The following FRMPD4 variants were observed in gnomAD, a reference collection of about 807,000 sequenced individuals.
The protein encoded by FRMPD4 is FERM and PDZ domain-containing protein 4.
A neutral mutation model predicts 94.1 loss-of-function variants in FRMPD4; 22 were observed. The observed-to-expected ratio is 0.23, with a 90% confidence interval of 0.17 to 0.33. FRMPD4 has a LOEUF of 0.33. FRMPD4 is among the 10% of genes least tolerant of loss of function. FRMPD4 has a pLI of 1.00. For synonymous variants in FRMPD4, 631 were observed against 548.6 expected (o/e 1.15, Z -2.10); for missense variants, 1,111 against 1,339.9 (o/e 0.83, Z 2.67).
intron 1 of FRMPD4, among the ~76,000 whole-genome samples, chrX:12,227,437 C>A (rs776307608): frequency 8.9e-6 from 1 of 111,793 alleles, no homozygotes; most frequent in African/African-American, 3.2e-5. Context: ...CCAGTAACAG[C>A]TCTATAAAAA....
At chrX:12,009,249 G>T (rs1404308015) in intron 3 of FRMPD4, among the ~76,000 whole-genome samples, 1 of 112,454 alleles carries the variant, frequency 8.9e-6, no homozygotes, top group Non-Finnish European at 1.9e-5. Context: ...ATGTCAAAAT[G>T]TCAAGTTGTA....
chrX:12,600,141 A>G (rs182788326), intron 2 of FRMPD4, among the ~76,000 whole-genome samples: 1 of 110,399 alleles, frequency 9.1e-6, no homozygotes, highest in East Asian at 2.8e-4. Flanking sequence ...CATTGGAGGA[A>G]AAAAAGAACT....
At chrX:11,996,978 A>G (rs962988420) in intron 3 of FRMPD4, among the ~76,000 whole-genome samples, 23 of 111,696 alleles carry the variant, frequency 2.1e-4, no homozygotes, top group African/African-American at 7.2e-4. Context: ...ATGGCTTAAA[A>G]TGAAGCATAG....
At chrX:12,596,142 T>C (rs1159757501) in intron 2 of FRMPD4, among the ~76,000 whole-genome samples, 15 of 111,343 alleles carry the variant, frequency 1.3e-4, no homozygotes, top group Non-Finnish European at 5.7e-5. Flanking sequence ...GATTCATCTC[T>C]TGAGCTCTTT....
chrX:12,170,001 T>G (rs915694118), intron 1 of FRMPD4, among the ~76,000 whole-genome samples: 5 of 111,988 alleles, frequency 4.5e-5, no homozygotes, highest in Non-Finnish European at 5.6e-5. Flanking sequence ...ATTTCAGATT[T>G]AAATCTGAAA....
At chrX:12,331,948 ATTTATATACT>A (rs1312599280) in intron 1 of FRMPD4, among the ~76,000 whole-genome samples, 6 of 38,873 alleles carry the variant, frequency 1.5e-4, no homozygotes, top group African/African-American at 7.5e-4. Flanking sequence ...AATTATATAT[ATTTATATACT>A]ATATATAAAT....
chrX:11,883,588 C>A (rs1458415997), intron 3 of FRMPD4, among the ~76,000 whole-genome samples: 1 of 111,630 alleles, frequency 9.0e-6, no homozygotes, highest in Admixed American at 9.5e-5. Flanking sequence ...AGAGATCACC[C>A]CTATACACTT....
chrX:12,500,009 G>A (rs73438749), intron 2 of FRMPD4, among the ~76,000 whole-genome samples: 1,486 of 111,229 alleles, frequency 0.013, 28 homozygotes, highest in African/African-American at 0.045. Flanking sequence ...TTTTTGTTTC[G>A]TTTTTTTGTT....
chrX:12,668,527 G>A (rs2059803453), intron 4 of FRMPD4, among the ~76,000 whole-genome samples: 1 of 109,446 alleles, frequency 9.1e-6, no homozygotes, highest in South Asian at 4.0e-4. Context: ...AAAGTGTGCT[G>A]AGGAGTCCTT....
chrX:12,647,012 C>T (rs1196250786), intron 4 of FRMPD4, among the ~76,000 whole-genome samples: 1 of 111,914 alleles, frequency 8.9e-6, no homozygotes, highest in African/African-American at 3.3e-5. Flanking sequence ...TAACGTTATA[C>T]ATAGGCTCCC....
chrX:12,256,243 C>G (rs772638349), intron 1 of FRMPD4, among the ~76,000 whole-genome samples: 1 of 111,819 alleles, frequency 8.9e-6, no homozygotes, highest in Non-Finnish European at 1.9e-5. Context: ...ATTTCAGATG[C>G]TTTCATGTTT....
chrX:12,223,095 A>G (rs186172786), intron 1 of FRMPD4, among the ~76,000 whole-genome samples: 4 of 112,318 alleles, frequency 3.6e-5, no homozygotes, highest in African/African-American at 1.3e-4. Flanking sequence ...CAGCAATTCC[A>G]TCAGTGGGTA....
At chrX:12,073,904 T>C (rs758214431) in intron 3 of FRMPD4, among the ~76,000 whole-genome samples, 44 of 111,977 alleles carry the variant, frequency 3.9e-4, no homozygotes, top group African/African-American at 1.4e-3. Flanking sequence ...TTCTACAAAC[T>C]AGCACTTTCA....
chrX:12,644,930 C>T (rs769370824), intron 4 of FRMPD4, among the ~76,000 whole-genome samples: 91 of 111,805 alleles, frequency 8.1e-4, no homozygotes, highest in African/African-American at 2.9e-3. Flanking sequence ...ATTAACTATG[C>T]AAACTGACTA....
chrX:12,696,521 G>C (rs1308443582), intron 9 of FRMPD4, among the ~76,000 whole-genome samples: 1 of 99,207 alleles, frequency 1.0e-5, no homozygotes, highest in East Asian at 3.2e-4. Context: ...ACTCGAAGAG[G>C]TTGCAAATCT....
chrX:12,509,136 G>A (rs904137176), intron 2 of FRMPD4, among the ~76,000 whole-genome samples: 3 of 111,135 alleles, frequency 2.7e-5, no homozygotes, highest in African/African-American at 6.5e-5. Flanking sequence ...CACTGCTGGT[G>A]GGAATATAAG....
intron 1 of FRMPD4, among the ~76,000 whole-genome samples, chrX:12,445,733 A>T (rs1201262000): frequency 8.9e-6 from 1 of 112,723 alleles, no homozygotes; most frequent in African/African-American, 3.2e-5. Context: ...AGACAGGAAT[A>T]AATATGAATT....
intron 2 of FRMPD4, among the ~76,000 whole-genome samples, chrX:12,520,772 C>A (rs2058153875): frequency 8.9e-6 from 1 of 112,121 alleles, no homozygotes; most frequent in Non-Finnish European, 1.9e-5. Context: ...GTGGAAGCCA[C>A]ACACCCAAAA....
chrX:12,300,780 G>C (rs2054848194), intron 1 of FRMPD4, among the ~76,000 whole-genome samples: 1 of 111,890 alleles, frequency 8.9e-6, no homozygotes, highest in South Asian at 3.8e-4. Context: ...AGGTGGTGGT[G>C]GAGGTGGCCC....
Sources: allele counts gnomAD v4.1 joint callset (sites outside exome capture counted in the v4.1 genomes callset), GRCh38; gene constraint gnomAD v4.1.1; transcripts MANE v1.5; gene names NCBI Gene and HGNC (gene_info 2026-07-23, HGNC 2026-07-21).